Variants in MFSD12 observed in about 807,000 individuals in gnomAD.
MFSD12 encodes the protein major facilitator superfamily domain-containing protein 12.
Under a neutral mutation model 51.2 loss-of-function variants are expected in MFSD12, and 67 were observed. That is an observed-to-expected ratio of 1.31 (90% confidence interval 1.08 to 1.60). The LOEUF (loss-of-function observed/expected upper bound fraction) is 1.60, where lower values mean the gene tolerates loss of function less well. Ranked by LOEUF, MFSD12 falls within the 40% of genes most tolerant of loss-of-function variation. The probability of loss-of-function intolerance (pLI) is 0.00; values close to 1 mark genes in which losing one functional copy is unlikely to be tolerated. For missense variants in MFSD12, 921 were observed against 673.0 expected (o/e 1.37, Z -4.08); for synonymous variants, 441 against 316.7 (o/e 1.39, Z -4.17).
Position 3,547,552 on chromosome 19 carries a change from G to T in MFSD12, c.838-5C>A. 1 of 1,606,552 alleles carries T rather than the reference G, an allele frequency of 6.2e-7. No individual in the cohort carries two copies. The highest frequency in any genetic ancestry group is 1.1e-5 in the South Asian group (1 of 90,102). On this transcript the variant is annotated splice_polypyrimidine_tract_variant and splice_region_variant and intron_variant, in intron 4 of 9. Coordinates refer to ENST00000355415, the MANE Select transcript of MFSD12 (RefSeq NM_174983.5). ...GGTCATGTACAGTATGCCCACCTGT[G>T]GGCAGACCGACAGAGGGACTGGCAG...
chr19:3,543,075 T>C (rs549012989), downstream of MFSD12: 29 of 1,585,752 alleles, frequency 1.8e-5, no homozygotes, highest in Non-Finnish European at 2.5e-5. Flanking sequence ...CACTCTGGGG[T>C]GAGGGGTACA....
intron 2 of MFSD12, among the ~76,000 whole-genome samples, chr19:3,550,394 T>C (rs75533380): frequency 6.6e-6 from 1 of 151,638 alleles, no homozygotes; most frequent in Non-Finnish European, 1.5e-5. Context: ...ACAAAAACTT[T>C]TTGTTTTTTT....
chr19:3,546,115 AT>A lies in MFSD12; in HGVS notation c.1247del (p.Asn416MetfsTer24). ...GSMSFLDKVA[N>X]GLAVMAIQSL... The stretch of plus-strand genomic sequence containing the variant: ...TCTGGATGGCCATGACTGCCAGCCC[AT>A]TGGCCACCTTATCCAAGAAGCTCAT... On this transcript the variant is annotated frameshift_variant, in exon 8 of 10. Transcript: ENST00000355415. LOFTEE classifies it high-confidence loss of function. 1.9e-6 allele frequency: 3 copies of A among 1,613,402 alleles called. No individual in the cohort carries two copies. Among genetic ancestry groups the A allele is most frequent in the Non-Finnish European group, 1.7e-6 (2 of 1,180,002 alleles).
At chr19:3,541,834 AGTCTCGCTCTCTC>A, downstream of MFSD12, 9 of 971,558 alleles carry the variant, frequency 9.3e-6, no homozygotes, top group Non-Finnish European at 1.1e-5. Context: ...GTTGAGACAG[AGTCTCGCTCTCTC>A]ACCCAGGCTG....
At chr19:3,541,137 C>G (rs143688805), downstream of MFSD12, among the ~76,000 whole-genome samples, 25,746 of 143,282 alleles carry the variant, frequency 0.18, 2,941 homozygotes, top group African/African-American at 0.31. Flanking sequence ...CCACTGCACT[C>G]CAGCCTGGGT....
downstream of MFSD12, chr19:3,543,911 G>A (rs763322072): frequency 4.5e-5 from 70 of 1,550,928 alleles, no homozygotes; most frequent in Admixed American, 7.8e-4. Flanking sequence ...CCCAGCGCCC[G>A]CCCGGCACCA....
At chr19:3,543,757 G>A, downstream of MFSD12, 7 of 1,491,644 alleles carry the variant, frequency 4.7e-6, no homozygotes, top group Non-Finnish European at 5.4e-6. Flanking sequence ...ACTGCCCGGG[G>A]CGATCCAGGA....
At chr19:3,547,698 G>T in intron 4 of MFSD12, 150 bp downstream of exon 4, 1 of 1,178,574 alleles carries the variant, frequency 8.5e-7, no homozygotes, top group South Asian at 1.5e-5. Flanking sequence ...AGGAAGAGGA[G>T]AGCAGCACTT....
chr19:3,544,104 A>T (rs558410763), downstream of MFSD12: 17 of 1,425,362 alleles, frequency 1.2e-5, no homozygotes, highest in East Asian at 4.2e-4. Context: ...ACAGAGGCAG[A>T]CACTGGGCTC....
rs1350627111 is a variant in MFSD12, at chr19:3,544,402, G to A, written c.*308C>T. 2.3e-6 allele frequency: 3 copies of A among 1,311,408 alleles called. No individual in the cohort carries two copies. The highest frequency in any genetic ancestry group is 9.7e-7 in the Non-Finnish European group (1 of 1,031,344). 81.2% of individuals were successfully genotyped at this position (1,311,408 alleles called of 1,614,324 possible). ...GAACTGGACTGAGCTCAGGGTTAGGGTTCCCCCAGACCCTTCTGGGATTCC... is the reference window on the plus strand; with the variant it reads ...GAACTGGACTGAGCTCAGGGTTAGGATTCCCCCAGACCCTTCTGGGATTCC... On this transcript the variant is annotated 3_prime_UTR_variant, in exon 10 of 10. Transcript: ENST00000355415.
At chr19:3,540,459 T>A (rs967966240), downstream of MFSD12, among the ~76,000 whole-genome samples, 1 of 148,848 alleles carries the variant, frequency 6.7e-6, no homozygotes, top group Non-Finnish European at 1.5e-5. Context: ...GGTTTCACCA[T>A]GTTGGCCAGG....
chr19:3,544,488 G>C lies in MFSD12; in HGVS notation c.*222C>G, dbSNP rs1256122359. The C allele has an allele frequency of 2.9e-6, 4 of 1,390,868 alleles. No individual in the cohort carries two copies. In the African/African-American group the frequency reaches 5.8e-5, roughly 20 times the overall value. The allele number at this position is 1,390,868 out of a possible 1,614,324, so 86.2% of individuals were successfully genotyped here. The stretch of plus-strand genomic sequence containing the variant: ...TCCTCCAGAGGGCTGGGATGGATTA[G>C]AGTTGAGAATGGGACACCCTCAAAA... On this transcript the variant is annotated 3_prime_UTR_variant, in exon 10 of 10. Transcript: ENST00000355415.
intron 8 of MFSD12, 58 bp downstream of exon 8, chr19:3,546,016 A>C: frequency 6.4e-7 from 1 of 1,563,046 alleles, no homozygotes; most frequent in South Asian, 1.1e-5. Flanking sequence ...GACACACAGC[A>C]GGCGCTTAAT....
chr19:3,542,682 C>A (rs143933305), downstream of MFSD12: 2 of 1,207,526 alleles, frequency 1.7e-6, no homozygotes, highest in Non-Finnish European at 2.1e-6. Flanking sequence ...GGGGTTTTAC[C>A]ATGCTGGCCA....
chr19:3,544,712 A>C lies in MFSD12; in HGVS notation c.1441T>G (p.Ter481GlyextTer75), dbSNP rs895371255. The part of the protein sequence containing the change: ...LRRWDRDARP[*>G] ...CAGGTGCAGGAGGCTGTCAGGAGTC[A>C]GGGCCGGGCATCACGGTCCCCTGCA... The change falls in exon 10 of 10, where the codon TGA becomes GGA. Residue 481 changes from the stop codon to glycine, a stop_lost. Transcript: ENST00000355415. The C allele has an allele frequency of 3.2e-6, 5 of 1,558,658 alleles. No individual in the cohort carries two copies. The highest frequency in any genetic ancestry group is 4.4e-6 in the Non-Finnish European group (5 of 1,148,984).
chr19:3,557,078 C>G, intron 1 of MFSD12, 28 bp downstream of exon 1: 9 of 1,430,320 alleles, frequency 6.3e-6, no homozygotes, highest in Non-Finnish European at 8.2e-6. Flanking sequence ...AGGGGCTGCC[C>G]GACAGGTGGC....
chr19:3,544,995 C>G (rs2030862125), intron 8 of MFSD12, 56 bp from the exon 9 acceptor site: 2 of 1,535,932 alleles, frequency 1.3e-6, no homozygotes, highest in South Asian at 2.4e-5. Flanking sequence ...CCCCGCCACC[C>G]AAGCTGAACC....
chr19:3,539,193 C>T (rs1395240304), intron 4 of MFSD12: 1 of 1,550,384 alleles, frequency 6.5e-7, no homozygotes, highest in African/African-American at 1.4e-5. Flanking sequence ...AACCCTCAGG[C>T]AAGAGGCTGC....
In MFSD12 at chr19:3,547,888, A is replaced by G. The variant is rs1363801039; in HGVS notation, c.797T>C (p.Leu266Pro). The G allele has an allele frequency of 6.4e-7, 1 of 1,553,040 alleles. No individual in the cohort carries two copies. Among genetic ancestry groups the G allele is most frequent in the East Asian group, 2.3e-5 (1 of 43,290 alleles). The change falls in exon 4 of 10, where the codon CTG becomes CCG. Residue 266 changes from leucine to proline, a missense_variant. By Grantham distance (98) the Leu-to-Pro change is moderately conservative. Coordinates refer to ENST00000355415, the MANE Select transcript of MFSD12 (RefSeq NM_174983.5). The part of the protein sequence containing the change: ...LLAPATAQPL[L>P]LWKHWLREPA... ...CTCCCGGAGCCAGTGCTTCCAGAGC[A>G]GCAGGGGCTGGGCCGTGGCAGGGGC...
Sources: allele counts gnomAD v4.1 joint callset (sites outside exome capture counted in the v4.1 genomes callset), GRCh38; gene constraint gnomAD v4.1.1; transcripts MANE v1.5; gene names NCBI Gene and HGNC (gene_info 2026-07-23, HGNC 2026-07-21).